Variants in NAALADL2 observed in about 807,000 individuals in gnomAD.
The protein encoded by NAALADL2 is N-acetylated alpha-linked acidic dipeptidase like 2.
In NAALADL2, 76 loss-of-function variants were observed where a neutral mutation model predicts 87.2. The ratio of observed to expected loss-of-function variants is 0.87; its 90% confidence interval spans 0.72 to 1.05. The LOEUF (loss-of-function observed/expected upper bound fraction) is 1.05. Among genes scored for constraint, NAALADL2 ranks in the 50% least tolerant of loss-of-function variants. The pLI is 0.00. For synonymous variants in NAALADL2, 354 were observed against 331.0 expected, an observed-to-expected ratio of 1.07 and a Z score of -0.75; for missense variants, 1,089 against 945.8, an observed-to-expected ratio of 1.15 and a Z score of -1.99.
At chr3:175,763,961 G>A (rs1748361045) in intron 13 of NAALADL2, among the ~76,000 whole-genome samples, 3 of 152,040 alleles carry the variant, frequency 2.0e-5, no homozygotes, top group Admixed American at 2.0e-4. Flanking sequence ...CATTTGGATT[G>A]ATTTGAAAGG....
At chr3:174,450,068 A>G (rs909647748) in intron 1 of NAALADL2, among the ~76,000 whole-genome samples, 2 of 152,044 alleles carry the variant, frequency 1.3e-5, no homozygotes, top group African/African-American at 2.4e-5. Flanking sequence ...TTCATTTGCT[A>G]TACTTATTTT....
chr3:175,267,922 T>A (rs1406571653), intron 4 of NAALADL2, among the ~76,000 whole-genome samples: 3 of 152,204 alleles, frequency 2.0e-5, no homozygotes, highest in Non-Finnish European at 2.9e-5. Context: ...GTAATGATAG[T>A]GTTGTCTTCA....
chr3:175,568,845 G>C (rs1717619257), intron 9 of NAALADL2, among the ~76,000 whole-genome samples: 1 of 152,198 alleles, frequency 6.6e-6, no homozygotes, highest in Non-Finnish European at 1.5e-5. Context: ...AGTCAGCAAA[G>C]TGTCTCATAA....
At chr3:175,089,195 G>C (rs1356032501) in intron 1 of NAALADL2, among the ~76,000 whole-genome samples, 2 of 152,246 alleles carry the variant, frequency 1.3e-5, no homozygotes, top group South Asian at 2.1e-4. Context: ...GTCAGGTCCT[G>C]AATATAGTCA....
At chr3:174,865,409 C>G (rs1727028851) in intron 1 of NAALADL2, among the ~76,000 whole-genome samples, 1 of 151,940 alleles carries the variant, frequency 6.6e-6, no homozygotes, top group Non-Finnish European at 1.5e-5. Context: ...CATTCAATCT[C>G]TTGATTCCTT....
intron 3 of NAALADL2, among the ~76,000 whole-genome samples, chr3:174,847,437 T>C (rs1483745226): frequency 6.6e-6 from 1 of 152,188 alleles, no homozygotes; most frequent in Non-Finnish European, 1.5e-5. Flanking sequence ...TCTTATCCTA[T>C]TGATGGCTTT....
intron 3 of NAALADL2, among the ~76,000 whole-genome samples, chr3:174,768,062 G>A (rs1363727494): frequency 1.3e-5 from 2 of 152,174 alleles, no homozygotes; most frequent in Non-Finnish European, 2.9e-5. Flanking sequence ...ACTAGGAGAA[G>A]CAAGTCACCC....
chr3:174,755,926 C>G (rs770216418), intron 3 of NAALADL2, among the ~76,000 whole-genome samples: 1 of 152,138 alleles, frequency 6.6e-6, no homozygotes, highest in Non-Finnish European at 1.5e-5. Flanking sequence ...CTGCATAGGC[C>G]CATTGTGTAG....
intron 9 of NAALADL2, among the ~76,000 whole-genome samples, chr3:175,573,988 A>G (rs553543447): frequency 6.6e-5 from 10 of 152,334 alleles, no homozygotes; most frequent in African/African-American, 2.4e-4. Flanking sequence ...TTGCTTGTAA[A>G]GGTTCATACT....
At chr3:175,005,198 A>C (rs918515637) in intron 1 of NAALADL2, among the ~76,000 whole-genome samples, 1 of 152,186 alleles carries the variant, frequency 6.6e-6, no homozygotes, top group Non-Finnish European at 1.5e-5. Flanking sequence ...TGGGATAGAT[A>C]CTATTATTAT....
chr3:174,870,233 G>A (rs1484375970), intron 1 of NAALADL2, among the ~76,000 whole-genome samples: 1 of 152,056 alleles, frequency 6.6e-6, no homozygotes, highest in African/African-American at 2.4e-5. Flanking sequence ...TCTTCAGATT[G>A]TATGCCACTG....
intron 3 of NAALADL2, among the ~76,000 whole-genome samples, chr3:174,841,532 G>T (rs1183476428): frequency 6.6e-6 from 1 of 152,104 alleles, no homozygotes; most frequent in Non-Finnish European, 1.5e-5. Flanking sequence ...GCTAAAACTT[G>T]GAAAAGATTT....
intron 2 of NAALADL2, among the ~76,000 whole-genome samples, chr3:175,164,298 A>G (rs1733670851): frequency 6.6e-6 from 1 of 151,852 alleles, no homozygotes; most frequent in Admixed American, 6.6e-5. Context: ...TATGGCACAT[A>G]ATAAATGCAT....
intron 9 of NAALADL2, among the ~76,000 whole-genome samples, chr3:175,556,018 G>T (rs900656769): frequency 6.6e-6 from 1 of 152,066 alleles, no homozygotes; most frequent in Non-Finnish European, 1.5e-5. Context: ...TACTGATGCA[G>T]CCAAGCCAGA....
rs1297830446 is a variant in NAALADL2 at position 175,809,511 on chromosome 3, T to TAA, written c.*6335_*6336dup. The stretch of plus-strand genomic sequence containing the variant: ...CAACAAAGTGAGACCCTGTCTCTCT[T>TAA]AAAAAAAAAAAAAAAAAAAAAAAAA... On this transcript the variant is annotated 3_prime_UTR_variant, in exon 14 of 14. Transcript: ENST00000454872. 3.2e-5 allele frequency: 1 copy of TAA among 31,504 alleles called. No individual in the cohort carries two copies. Among genetic ancestry groups the TAA allele is most frequent in the African/African-American group, 1.3e-4 (1 of 7,584 alleles). The allele number at this position is 31,504 out of a possible 1,614,324, so 2.0% of individuals were successfully genotyped here.
intron 1 of NAALADL2, among the ~76,000 whole-genome samples, chr3:175,025,419 A>G (rs890209036): frequency 6.6e-6 from 1 of 152,154 alleles, no homozygotes; most frequent in Admixed American, 6.6e-5. Context: ...TAACCATGTG[A>G]TCTTCAAGTT....
chr3:175,593,371 C>T (rs557232009), intron 10 of NAALADL2, among the ~76,000 whole-genome samples: 1 of 152,158 alleles, frequency 6.6e-6, no homozygotes, highest in African/African-American at 2.4e-5. Flanking sequence ...GCTAATTAAG[C>T]TAGAGGTTTT....
intron 11 of NAALADL2, among the ~76,000 whole-genome samples, chr3:175,690,965 C>T (rs1362041247): frequency 6.6e-6 from 1 of 151,772 alleles, no homozygotes; most frequent in Non-Finnish European, 1.5e-5. Context: ...TCCTAACCCT[C>T]ATATTTTGAA....
intron 12 of NAALADL2, among the ~76,000 whole-genome samples, chr3:175,751,381 A>C (rs1746604763): frequency 6.6e-6 from 1 of 152,084 alleles, no homozygotes; most frequent in Non-Finnish European, 1.5e-5. Context: ...CAGGTTGAAG[A>C]AGTGATAGAG....
Sources: gnomAD v4.1 joint callset for allele counts (sites outside exome capture counted in the v4.1 genomes callset) on GRCh38, gnomAD v4.1.1 for gene constraint, MANE v1.5 for transcripts, NCBI Gene and HGNC (gene_info 2026-07-23, HGNC 2026-07-21) for gene names.